Variants in MRTFB observed in about 807,000 individuals in gnomAD.
MRTFB encodes myocardin related transcription factor B, also known as myocardin-related transcription factor B.
Under a neutral mutation model 104.2 loss-of-function variants are expected in MRTFB, and 29 were observed. The ratio of observed to expected loss-of-function variants is 0.28; its 90% CI spans 0.21 to 0.38. MRTFB has a LOEUF of 0.38. Among genes scored for constraint, MRTFB ranks in the 10% least tolerant of loss-of-function variants. The pLI, the probability that MRTFB is intolerant of heterozygous loss-of-function variation, is 1.00. For missense variants in MRTFB, 1,270 were observed against 1,341.6 expected (o/e 0.95, Z 0.83); for synonymous variants, 535 against 519.5 (o/e 1.03, Z -0.41).
the MRTFB span, among the ~76,000 whole-genome samples, chr16:14,059,561 C>T: frequency 2.0e-5 from 3 of 152,274 alleles, no homozygotes; most frequent in Non-Finnish European, 4.4e-5. Flanking sequence ...GGCATCCAGT[C>T]GGCAGGTGCA....
chr16:14,069,373 C>T (rs1292350757), upstream of MRTFB, among the ~76,000 whole-genome samples: 5 of 152,340 alleles, frequency 3.3e-5, no homozygotes, highest in South Asian at 1.0e-3. Context: ...CCCTGGTTCT[C>T]GGGCCACAAC....
At chr16:14,108,118 T>C (rs2036085445) in intron 2 of MRTFB, among the ~76,000 whole-genome samples, 1 of 152,190 alleles carries the variant, frequency 6.6e-6, no homozygotes. Context: ...CTTCAGTCTT[T>C]AGACCAGGGT....
At position 14,081,333 on chromosome 16, in the gene MRTFB, T is replaced by A. The variant is rs191099320; in HGVS notation, c.-64+1979T>A. 2.3e-3 allele frequency among the ~76,000 whole-genome samples: 353 copies of A among 150,772 alleles called. 4 individuals carry two copies. The highest frequency in any genetic ancestry group is 7.6e-3 in the African/African-American group (312 of 40,838). On this transcript the variant is annotated intron_variant, in intron 2 of 16. Coordinates refer to ENST00000571589, the MANE Select transcript of MRTFB (RefSeq NM_001308142.2). ...TTGAGACAGAGTTTCACTTTTGTTATGCAGGCTGGAATGCAATGCTGTGAT... is the reference window on the plus strand; with the variant it reads ...TTGAGACAGAGTTTCACTTTTGTTAAGCAGGCTGGAATGCAATGCTGTGAT...
In MRTFB at chr16:14,248,967, A is replaced by G. The variant is rs758073752; in HGVS notation, c.2289A>G (p.Ala763=). ...QAGMQTQPQI[A]TAAQIPTAAL... is the part of the protein sequence containing the mutation. ...GAATGCAGACTCAGCCTCAGATAGC[A>G]ACTGCTGCACAAATACCAACTGCTG... Residue 763 remains alanine, a synonymous_variant, in exon 13 of 17, where the codon GCA becomes GCG. Transcript: ENST00000571589. 1.2e-6 allele frequency: 2 copies of G among 1,614,186 alleles called. No individual in the cohort carries two copies. Among genetic ancestry groups the G allele is most frequent in the South Asian group, 1.1e-5 (1 of 91,080 alleles).
chr16:14,200,456 C>G (rs552420729), intron 3 of MRTFB: 146 of 1,610,198 alleles, frequency 9.1e-5, no homozygotes, highest in Non-Finnish European at 1.2e-4. Flanking sequence ...AATCAGACAT[C>G]CAGTAGCATC....
chr16:14,246,808 T>C lies in MRTFB; in HGVS notation c.1548T>C (p.Ser516=). Residue 516 remains serine (S), a synonymous_variant, in exon 12 of 17, where the codon AGT becomes AGC. Transcript: ENST00000571589. ...CTCCCTCCGAACAGTCCAGTCTCAG[T>C]ACTGATGACACAAACATGGCAGACA... ...SPSPSEQSSL[S]TDDTNMADTF... 2 of 1,613,438 alleles carry C rather than the reference T, an allele frequency of 1.2e-6. No individual in the cohort carries two copies. Among genetic ancestry groups the C allele is most frequent in the Non-Finnish European group, 1.7e-6 (2 of 1,180,030 alleles).
the MRTFB span, among the ~76,000 whole-genome samples, chr16:13,995,591 C>A: frequency 6.6e-6 from 1 of 152,194 alleles, no homozygotes; most frequent in African/African-American, 2.4e-5. Flanking sequence ...CTATAAAGAA[C>A]TACCTGAGAC....
intron 2 of MRTFB, among the ~76,000 whole-genome samples, chr16:14,094,058 A>G (rs188615287): frequency 5.3e-5 from 8 of 152,344 alleles, no homozygotes; most frequent in African/African-American, 1.4e-4. Context: ...TACAGTGTAG[A>G]TGTCAGGGAG....
chr16:14,184,484 A>G (rs2039877251), intron 3 of MRTFB, among the ~76,000 whole-genome samples: 1 of 152,124 alleles, frequency 6.6e-6, no homozygotes, highest in Non-Finnish European at 1.5e-5. Context: ...GGCCTACCAA[A>G]GTGCTGGGAT....
chr16:14,024,237 A>G, the MRTFB span, among the ~76,000 whole-genome samples: 1 of 152,182 alleles, frequency 6.6e-6, no homozygotes, highest in Non-Finnish European at 1.5e-5. Context: ...TCTGAGCTTC[A>G]TCAGAGCTAT....
chr16:14,181,396 C>T (rs1232011594), intron 3 of MRTFB, among the ~76,000 whole-genome samples: 2 of 152,088 alleles, frequency 1.3e-5, no homozygotes, highest in Admixed American at 6.5e-5. Context: ...TTCCTAAATA[C>T]ATCCAATCTC....
chr16:14,179,616 G>A (rs2039700887), intron 3 of MRTFB, among the ~76,000 whole-genome samples: 1 of 152,184 alleles, frequency 6.6e-6, no homozygotes, highest in Non-Finnish European at 1.5e-5. Context: ...AGTCATTTGT[G>A]GGCAGGGGAT....
the MRTFB span, among the ~76,000 whole-genome samples, chr16:14,053,108 T>G: frequency 6.6e-6 from 1 of 152,084 alleles, no homozygotes; most frequent in African/African-American, 2.4e-5. Flanking sequence ...CATTTTTTTT[T>G]AGAGATGGGG....
At chr16:13,994,906 T>A in the MRTFB span, among the ~76,000 whole-genome samples, 1 of 152,204 alleles carries the variant, frequency 6.6e-6, no homozygotes, top group Non-Finnish European at 1.5e-5. Context: ...GATTCTGTAG[T>A]TCAAAGGTGA....
intron 3 of MRTFB, among the ~76,000 whole-genome samples, chr16:14,190,865 T>G (rs970381486): frequency 1.3e-5 from 2 of 152,166 alleles, no homozygotes; most frequent in Non-Finnish European, 2.9e-5. Flanking sequence ...AGTTACAGAC[T>G]TGGGGGGCCA....
intron 1 of MRTFB, among the ~76,000 whole-genome samples, chr16:14,075,699 C>A (rs764648304): frequency 8.5e-5 from 13 of 152,162 alleles, no homozygotes; most frequent in Non-Finnish European, 1.5e-4. Flanking sequence ...TCTTCTAATT[C>A]CTCACCCCGG....
chr16:14,122,511 A>T (rs2142308188), intron 2 of MRTFB, among the ~76,000 whole-genome samples: 1 of 151,880 alleles, frequency 6.6e-6, no homozygotes, highest in East Asian at 1.9e-4. Context: ...TTCAGCTCCC[A>T]CTTATGAGTG....
intron 2 of MRTFB, among the ~76,000 whole-genome samples, chr16:14,090,507 G>T (rs2034990167): frequency 6.6e-6 from 1 of 152,142 alleles, no homozygotes; most frequent in South Asian, 2.1e-4. Context: ...AGTGGGATGT[G>T]GCCCTATCTT....
chr16:14,032,473 C>A, the MRTFB span, among the ~76,000 whole-genome samples: 45,825 of 152,164 alleles, frequency 0.3, 7,026 homozygotes, highest in South Asian at 0.33. Context: ...AACTTGAATC[C>A]TTTATCATAA....
Sources: gnomAD v4.1 joint callset for allele counts (sites outside exome capture counted in the v4.1 genomes callset) on GRCh38, gnomAD v4.1.1 for gene constraint, MANE v1.5 for transcripts, NCBI Gene and HGNC (gene_info 2026-07-23, HGNC 2026-07-21) for gene names.